Variants in ZMYND8 observed in about 807,000 individuals in gnomAD.
ZMYND8 encodes the protein zinc finger MYND-type containing 8, also known as MYND-type zinc finger-containing chromatin reader ZMYND8.
ZMYND8 carries 37 observed loss-of-function variants against 140.8 expected under a neutral mutation model. The ratio of observed to expected loss-of-function variants is 0.26; its 90% CI spans 0.20 to 0.35. The LOEUF (loss-of-function observed/expected upper bound fraction) is 0.35, where lower values mean the gene tolerates loss of function less well. ZMYND8 is among the 10% of genes least tolerant of loss of function. The probability of loss-of-function intolerance (pLI) is 1.00; values close to 1 mark genes in which losing one functional copy is unlikely to be tolerated. For synonymous variants in ZMYND8, 592 were observed against 597.1 expected, an observed-to-expected ratio of 0.99 and a Z score of 0.12; for missense variants, 1,068 against 1,570.0, an observed-to-expected ratio of 0.68 and a Z score of 5.40.
chr20:47,276,061 C>T (rs772035538), intron 11 of ZMYND8, among the ~76,000 whole-genome samples: 8 of 152,308 alleles, frequency 5.3e-5, no homozygotes, highest in Middle Eastern at 3.4e-3. Context: ...CTGAACAGAA[C>T]TCCACAAGAT....
intron 12 of ZMYND8, among the ~76,000 whole-genome samples, chr20:47,260,602 G>A (rs1432985525): frequency 1.3e-5 from 2 of 151,978 alleles, no homozygotes; most frequent in Admixed American, 6.5e-5. Context: ...CTCAAATATC[G>A]CCTCTCAAAG....
chr20:47,221,544 C>A, intron 19 of ZMYND8, 70 bp from the exon 20 acceptor site: 1 of 1,528,318 alleles, frequency 6.5e-7, no homozygotes, highest in Non-Finnish European at 8.8e-7. Context: ...ATGCATGGAG[C>A]CCCGCCCTGC....
In ZMYND8 at chr20:47,300,729, ATT is replaced by A. The variant is rs1211018540; in HGVS notation, c.235-1784_235-1783del. ...CTTTTATTATGAGGTTTTGTTTAGT[ATT>A]TGAGACAGGGTCTTGCTCTGTCGCC... On this transcript the variant is annotated intron_variant, in intron 3 of 22. Transcript: ENST00000471951. Among the ~76,000 whole-genome samples the A allele has an allele frequency of 2.0e-5, 3 of 152,250 alleles. No homozygotes were observed. In the East Asian group the frequency reaches 5.8e-4, roughly 29 times the overall value.
chr20:47,349,036 G>C (rs942393605), intron 1 of ZMYND8: 4 of 152,174 alleles, frequency 2.6e-5, no homozygotes, highest in African/African-American at 9.7e-5. Context: ...CTGGGGAAGA[G>C]AGAATGTCCT....
At chr20:47,277,651 T>TTA (rs368966938) in intron 10 of ZMYND8, among the ~76,000 whole-genome samples, 3 of 147,520 alleles carry the variant, frequency 2.0e-5, no homozygotes, top group African/African-American at 7.6e-5. Context: ...AATTAATTCA[T>TTA]TTTATTTATT....
intron 7 of ZMYND8, among the ~76,000 whole-genome samples, chr20:47,289,212 A>G (rs1028204592): frequency 1.2e-4 from 18 of 152,346 alleles, no homozygotes; most frequent in African/African-American, 4.3e-4. Context: ...AAAGATACGC[A>G]ATACCACTGA....
chr20:47,295,570 C>T (rs1358144786), intron 4 of ZMYND8, among the ~76,000 whole-genome samples: 1 of 152,172 alleles, frequency 6.6e-6, no homozygotes, highest in Non-Finnish European at 1.5e-5. Context: ...GGACAGACTT[C>T]CCTGCAGAAA....
At chr20:47,255,013 G>T (rs540626252) in intron 12 of ZMYND8, among the ~76,000 whole-genome samples, 1 of 152,058 alleles carries the variant, frequency 6.6e-6, no homozygotes, top group African/African-American at 2.4e-5. Flanking sequence ...ACGTAGTGGC[G>T]CGCGCCTGTA....
At chr20:47,337,245 C>T (rs1169211393) in intron 2 of ZMYND8, among the ~76,000 whole-genome samples, 2 of 151,872 alleles carry the variant, frequency 1.3e-5, no homozygotes, top group African/African-American at 4.8e-5. Context: ...CCAGCTACAC[C>T]GGAGGCTGAG....
At chr20:47,292,804 C>T (rs1173355697) in intron 5 of ZMYND8, among the ~76,000 whole-genome samples, 2 of 152,030 alleles carry the variant, frequency 1.3e-5, no homozygotes, top group East Asian at 3.9e-4. Context: ...GTGATCCCAG[C>T]ACTTTGGAAG....
At chr20:47,216,513 AAAAAAG>A (rs1282233779) in intron 21 of ZMYND8, among the ~76,000 whole-genome samples, 1 of 144,572 alleles carries the variant, frequency 6.9e-6, no homozygotes, top group Non-Finnish European at 1.5e-5. Flanking sequence ...AAAAAAAAAA[AAAAAAG>A]GGCCGGGCTG....
chr20:47,301,306 C>G (rs1187279139), intron 3 of ZMYND8, among the ~76,000 whole-genome samples: 1 of 151,882 alleles, frequency 6.6e-6, no homozygotes, highest in Non-Finnish European at 1.5e-5. Flanking sequence ...AGGCACCCAC[C>G]ACCACGCCCA....
At position 47,318,768 on chromosome 20, in the gene ZMYND8, G is replaced by T. The variant is rs908217848; in HGVS notation, c.86-8564C>A. On this transcript the variant is annotated intron_variant, in intron 2 of 22. Transcript: ENST00000471951. ...CACTGGCCTGAACTGTGCTTATAAA[G>T]AATCTCTGCAAATCAACAGGAACTT... 1.2e-5 allele frequency: 6 copies of T among 485,256 alleles called. No homozygotes were observed. The East Asian group carries it at 4.1e-4, about 33-fold the overall frequency. 30.1% of individuals were successfully genotyped at this position (485,256 alleles called of 1,614,324 possible). A position where few individuals can be genotyped will look rare whatever the true frequency, so the allele number is the denominator to read the frequency against.
At chr20:47,216,997 G>A (rs946742526) in intron 21 of ZMYND8, among the ~76,000 whole-genome samples, 1 of 152,176 alleles carries the variant, frequency 6.6e-6, no homozygotes, top group African/African-American at 2.4e-5. Context: ...TGAGGCTCAG[G>A]TGCAGGTAAA....
At position 47,221,446 on chromosome 20, in the gene ZMYND8, A is replaced by G. The variant is rs1481763775; in HGVS notation, c.3285T>C (p.Ala1095=). Residue 1095 remains alanine (A), a synonymous_variant, in exon 20 of 23, where the codon GCT becomes GCC. Transcript: ENST00000471951. ...SATAPQQEAD[A]EVNTETLNKS... is the part of the protein sequence containing the mutation. ...TATTTAGTGTTTCTGTGTTCACCTC[A>G]GCATCCGCTTCCTGCTGAGGAGCAG... is the stretch of plus-strand genomic sequence containing the variant. 6.2e-7 allele frequency: 1 copy of G among 1,614,176 alleles called. No individual in the cohort carries two copies. The highest frequency in any genetic ancestry group is 1.7e-5 in the Admixed American group (1 of 60,028).
chr20:47,322,905 G>A (rs1465427827), intron 2 of ZMYND8, among the ~76,000 whole-genome samples: 1 of 152,118 alleles, frequency 6.6e-6, no homozygotes, highest in Non-Finnish European at 1.5e-5. Context: ...ATCACAAAGG[G>A]CATGCTTGGC....
At chr20:47,325,676 G>C (rs779674224) in intron 2 of ZMYND8, among the ~76,000 whole-genome samples, 16 of 152,202 alleles carry the variant, frequency 1.1e-4, no homozygotes, top group Non-Finnish European at 2.2e-4. Flanking sequence ...ACTTGAATGG[G>C]ATGGGGCCAT....
intron 2 of ZMYND8, among the ~76,000 whole-genome samples, chr20:47,340,914 T>C (rs2081821884): frequency 6.6e-6 from 1 of 152,136 alleles, no homozygotes; most frequent in Admixed American, 6.5e-5. Flanking sequence ...GAGGACGCTC[T>C]GGATGCTGGA....
chr20:47,335,494 A>G (rs2081321661), intron 2 of ZMYND8, among the ~76,000 whole-genome samples: 1 of 152,060 alleles, frequency 6.6e-6, no homozygotes, highest in African/African-American at 2.4e-5. Context: ...TCCACTATCA[A>G]TAGAGAACAA....
Sources: gnomAD v4.1 joint callset for allele counts (sites outside exome capture counted in the v4.1 genomes callset) on GRCh38, gnomAD v4.1.1 for gene constraint, MANE v1.5 for transcripts, NCBI Gene and HGNC (gene_info 2026-07-23, HGNC 2026-07-21) for gene names.